The following ULK4 variants were observed in gnomAD, a reference collection of about 807,000 sequenced individuals.
The protein encoded by ULK4 is inactive serine/threonine-protein kinase ULK4.
In ULK4, 133 loss-of-function variants were observed where a neutral mutation model predicts 160.6. The ratio of observed to expected loss-of-function variants is 0.83; its 90% CI spans 0.72 to 0.96. The LOEUF (loss-of-function observed/expected upper bound fraction) is 0.96. ULK4 is among the 40% of genes least tolerant of loss of function. ULK4 has a pLI of 0.00. For synonymous variants in ULK4, 534 were observed against 539.8 expected (o/e 0.99, Z 0.15); for missense variants, 1,580 against 1,499.5 (o/e 1.05, Z -0.89).
At chr3:41,257,279 C>A (rs1296951762) in intron 35 of ULK4, among the ~76,000 whole-genome samples, 1 of 152,090 alleles carries the variant, frequency 6.6e-6, no homozygotes. Flanking sequence ...TCATTTATTG[C>A]TGATGTGAAT....
chr3:41,259,161 C>T (rs2078898702), intron 35 of ULK4, among the ~76,000 whole-genome samples: 1 of 151,080 alleles, frequency 6.6e-6, no homozygotes, highest in African/African-American at 2.4e-5. Context: ...GGGATAAATA[C>T]ATAATTTTAT....
At chr3:41,616,034 T>C (rs894261532) in intron 30 of ULK4, among the ~76,000 whole-genome samples, 2 of 152,194 alleles carry the variant, frequency 1.3e-5, no homozygotes, top group Non-Finnish European at 2.9e-5. Context: ...TCAGCTGAAA[T>C]AATGTAACCA....
chr3:41,717,159 C>G (rs1392248840), intron 23 of ULK4, among the ~76,000 whole-genome samples: 2 of 151,934 alleles, frequency 1.3e-5, no homozygotes, highest in Non-Finnish European at 2.9e-5. Context: ...TTATAGTTAA[C>G]AAAAATGTAT....
chr3:41,723,627 A>C (rs1003599281), intron 22 of ULK4, among the ~76,000 whole-genome samples: 1 of 152,224 alleles, frequency 6.6e-6, no homozygotes, highest in African/African-American at 2.4e-5. Context: ...TGAACCTTAC[A>C]TTACCTCCTC....
intron 34 of ULK4, among the ~76,000 whole-genome samples, chr3:41,400,148 A>G (rs1329665189): frequency 1.3e-5 from 2 of 152,264 alleles, no homozygotes; most frequent in Non-Finnish European, 1.5e-5. Context: ...ATCTTGTATA[A>G]TAACTATGGT....
Position 41,931,878 on chromosome 3 carries a change from A to G in ULK4, c.507T>C (p.Asn169=), listed in dbSNP as rs1387607265. 1 of 1,613,920 alleles carries G rather than the reference A, an allele frequency of 6.2e-7. No individual in the cohort carries two copies. The highest frequency in any genetic ancestry group is 1.3e-5 in the African/African-American group (1 of 74,872). ...TACTTTTCATGCTTTTCTTCAGGAC[A>G]TTTTCCCCATTATCACCTCCTCCTT... ...AEEGGGDNGE[N]VLKKSMKSRV... is the part of the protein sequence containing the mutation. Residue 169 remains asparagine, a synonymous_variant, in exon 5 of 37, where the codon AAT becomes AAC. Coordinates refer to ENST00000301831, the MANE Select transcript of ULK4 (RefSeq NM_017886.4).
Position 41,794,223 on chromosome 3 carries a change from T to C in ULK4, c.2011-4380A>G, listed in dbSNP as rs189861518. On this transcript the variant is annotated intron_variant, in intron 20 of 36. Coordinates refer to ENST00000301831, the MANE Select transcript of ULK4 (RefSeq NM_017886.4). ...AGACAGTTACAAGTGGAACAACATG[T>C]AGAGCTTGCTCCCTCAGCACTAAGC... is the stretch of plus-strand genomic sequence containing the variant. Among the ~76,000 whole-genome samples the C allele has an allele frequency of 9.7e-4, 148 of 152,328 alleles. 1 individual carries two copies. The highest frequency in any genetic ancestry group is 3.4e-3 in the African/African-American group (141 of 41,568).
chr3:41,723,459 T>C (rs2037545411), intron 22 of ULK4, among the ~76,000 whole-genome samples: 2 of 152,180 alleles, frequency 1.3e-5, no homozygotes, highest in African/African-American at 4.8e-5. Flanking sequence ...AGAAATTGAC[T>C]GATCATGTGG....
At chr3:41,294,192 T>C (rs1487697480) in intron 35 of ULK4, among the ~76,000 whole-genome samples, 1 of 152,152 alleles carries the variant, frequency 6.6e-6, no homozygotes. Flanking sequence ...CGTGAATGGT[T>C]TAGTGCTGCT....
At chr3:41,751,455 C>A (rs1031310442) in intron 22 of ULK4, among the ~76,000 whole-genome samples, 2 of 152,178 alleles carry the variant, frequency 1.3e-5, no homozygotes, top group Non-Finnish European at 2.9e-5. Context: ...TACCTTACCT[C>A]CCCTGCAAGC....
At chr3:41,546,557 T>C (rs555400857) in intron 32 of ULK4, among the ~76,000 whole-genome samples, 3 of 152,068 alleles carry the variant, frequency 2.0e-5, no homozygotes, top group Admixed American at 2.0e-4. Context: ...GTAATCTTGC[T>C]CTGTGAAAGT....
Position 41,655,725 on chromosome 3 carries a change from T to C in ULK4, c.3071+7882A>G, listed in dbSNP as rs1461646997. Among the ~76,000 whole-genome samples the C allele has an allele frequency of 4.6e-5, 7 of 152,282 alleles. No homozygotes were observed. The South Asian group carries it at 6.2e-4, about 14-fold the overall frequency. Reference sequence around the variant, plus strand: ...TTTATTACATAGCTACATAGTTATTTCACCTATTGAGATTTCATCAAAGGA... The same window carrying C: ...TTTATTACATAGCTACATAGTTATTCCACCTATTGAGATTTCATCAAAGGA... On this transcript the variant is annotated intron_variant, in intron 30 of 36. Coordinates refer to ENST00000301831, the MANE Select transcript of ULK4 (RefSeq NM_017886.4).
chr3:41,823,082 A>T (rs1470526929), intron 18 of ULK4, among the ~76,000 whole-genome samples: 1 of 136,230 alleles, frequency 7.3e-6, no homozygotes, highest in African/African-American at 3.7e-5. Flanking sequence ...TGAGTGCTAT[A>T]AAGAAAAACA....
Position 41,911,397 on chromosome 3 carries a change from A to G in ULK4, c.1016-11T>C. ...ACTCAGTTGGATTTTCTGTAGCAGG[A>G]AAGTAATATGTTATCCAGAAAAGAA... On this transcript the variant is annotated splice_polypyrimidine_tract_variant and intron_variant, in intron 10 of 36. Coordinates refer to ENST00000301831, the MANE Select transcript of ULK4 (RefSeq NM_017886.4). The G allele has an allele frequency of 6.2e-7, 1 of 1,613,900 alleles. No individual in the cohort carries two copies. The highest frequency in any genetic ancestry group is 1.1e-5 in the South Asian group (1 of 91,040).
intron 27 of ULK4, among the ~76,000 whole-genome samples, chr3:41,698,653 C>T (rs2036575841): frequency 6.6e-6 from 1 of 152,020 alleles, no homozygotes; most frequent in Admixed American, 6.6e-5. Context: ...AGTTCTAAAC[C>T]TTTTTTCATA....
chr3:41,833,297 T>TTTG (rs1553667472), intron 18 of ULK4, among the ~76,000 whole-genome samples: 72 of 139,052 alleles, frequency 5.2e-4, no homozygotes, highest in South Asian at 5.0e-3. Context: ...TTTTTTTTTT[T>TTTG]TTTGTTTGTT....
At chr3:41,648,286 T>G (rs2034597540) in intron 30 of ULK4, among the ~76,000 whole-genome samples, 1 of 152,184 alleles carries the variant, frequency 6.6e-6, no homozygotes, top group South Asian at 2.1e-4. Flanking sequence ...CGGTCTTCTG[T>G]GTCGCTCACG....
chr3:41,319,761 G>A (rs139330559), intron 35 of ULK4, among the ~76,000 whole-genome samples: 180 of 152,256 alleles, frequency 1.2e-3, no homozygotes, highest in African/African-American at 4.2e-3. Context: ...TTACTATTGT[G>A]TCCAATTTAT....
At chr3:41,887,464 G>A (rs1697764656) in intron 16 of ULK4, among the ~76,000 whole-genome samples, 1 of 152,204 alleles carries the variant, frequency 6.6e-6, no homozygotes, top group African/African-American at 2.4e-5. Context: ...TCATTTTGAT[G>A]TAGTGAAAGG....
Sources: allele counts gnomAD v4.1 joint callset (sites outside exome capture counted in the v4.1 genomes callset), GRCh38; gene constraint gnomAD v4.1.1; transcripts MANE v1.5; gene names NCBI Gene and HGNC (gene_info 2026-07-23, HGNC 2026-07-21).